Variants in CLDN16 observed in about 807,000 individuals in gnomAD.
The protein encoded by CLDN16 is claudin-16.
CLDN16 carries 13 observed loss-of-function variants against 24.6 expected under a neutral mutation model. The ratio of observed to expected loss-of-function variants is 0.53; its 90% CI spans 0.34 to 0.84. The LOEUF (loss-of-function observed/expected upper bound fraction) is 0.84. CLDN16 is among the 40% of genes least tolerant of loss of function. The pLI, the probability that CLDN16 is intolerant of heterozygous loss-of-function variation, is 0.01. For synonymous variants in CLDN16, 116 were observed against 106.7 expected (o/e 1.09, Z -0.54); for missense variants, 298 against 292.7 (o/e 1.02, Z -0.13).
At chr3:190,367,448 C>G (rs1216979021) in intron 1 of CLDN16, among the ~76,000 whole-genome samples, 1 of 151,918 alleles carries the variant, frequency 6.6e-6, no homozygotes, top group East Asian at 1.9e-4. Context: ...CTCAATACTA[C>G]TTCTCCAGGG....
chr3:190,362,360 C>T (rs969749772), intron 1 of CLDN16, among the ~76,000 whole-genome samples: 6 of 151,874 alleles, frequency 4.0e-5, no homozygotes, highest in Non-Finnish European at 7.4e-5. Flanking sequence ...TTCTGCGATC[C>T]CACCCAGGAA....
the CLDN16 span, among the ~76,000 whole-genome samples, chr3:190,292,327 G>A: frequency 2.0e-5 from 3 of 152,258 alleles, no homozygotes; most frequent in East Asian, 1.9e-4. Context: ...CTTCTGAAAC[G>A]ATGGCCCAAG....
chr3:190,301,182 C>T, the CLDN16 span, among the ~76,000 whole-genome samples: 17 of 152,150 alleles, frequency 1.1e-4, no homozygotes, highest in Non-Finnish European at 2.2e-4. Context: ...TACTTGGATG[C>T]GCAATAGGCA....
intron 1 of CLDN16, among the ~76,000 whole-genome samples, chr3:190,323,025 C>CACACACACACACACAA (rs559057976): frequency 3.6e-4 from 54 of 151,534 alleles, no homozygotes; most frequent in African/African-American, 1.2e-3. Flanking sequence ...CACACACACA[C>CACACACACACACACAA]ACAGACACAC....
chr3:190,403,859 T>C (rs2108672369), intron 2 of CLDN16, among the ~76,000 whole-genome samples: 2 of 152,310 alleles, frequency 1.3e-5, no homozygotes, highest in South Asian at 4.1e-4. Flanking sequence ...AATGGACATT[T>C]TGTCTATTCT....
chr3:190,399,692 T>G (rs561227665), intron 1 of CLDN16, among the ~76,000 whole-genome samples: 1 of 152,156 alleles, frequency 6.6e-6, no homozygotes, highest in African/African-American at 2.4e-5. Context: ...ATATCCTTTT[T>G]TCTAGCTATT....
the CLDN16 span, among the ~76,000 whole-genome samples, chr3:190,315,022 G>A: frequency 9.9e-5 from 15 of 152,240 alleles, no homozygotes; most frequent in Middle Eastern, 6.8e-3. Flanking sequence ...GCCATACTGT[G>A]GTATGAAGAG....
intron 3 of CLDN16, among the ~76,000 whole-genome samples, chr3:190,405,434 A>AC: frequency 6.6e-6 from 1 of 150,382 alleles, no homozygotes; most frequent in Admixed American, 6.6e-5. Context: ...CACGGAAAAA[A>AC]AAAAAAAAAA....
intron 3 of CLDN16, among the ~76,000 whole-genome samples, chr3:190,378,881 T>G (rs1384684774): frequency 6.6e-6 from 1 of 151,548 alleles, no homozygotes; most frequent in Non-Finnish European, 1.5e-5. Flanking sequence ...ATAGTCCTCA[T>G]TTTCGTCATC....
rs762051782 is a variant in CLDN16 at position 190,404,716 on chromosome 3, G to T, written c.218-46G>T. ...TGCTATGTCTCTGTGAGTTAATATG[G>T]TTCCTTCTTCTGACTCTGCTTTAAC... On this transcript the variant is annotated intron_variant, in intron 2 of 4. Coordinates refer to ENST00000264734, the MANE Select transcript of CLDN16 (RefSeq NM_006580.4). 2.4e-5 allele frequency: 39 copies of T among 1,602,506 alleles called. No individual in the cohort carries two copies. In the Admixed American group the frequency reaches 4.5e-4, roughly 18 times the overall value.
At chr3:190,362,845 T>C (rs1717928544) in intron 1 of CLDN16, among the ~76,000 whole-genome samples, 1 of 152,004 alleles carries the variant, frequency 6.6e-6, no homozygotes. Flanking sequence ...CTATACATTA[T>C]ATGTTTTCCT....
intron 1 of CLDN16, among the ~76,000 whole-genome samples, chr3:190,342,452 G>C (rs959768821): frequency 7.0e-4 from 107 of 152,132 alleles, no homozygotes; most frequent in African/African-American, 2.3e-3. Flanking sequence ...AAAGCAAAAA[G>C]ACAATCTGAT....
At chr3:190,363,534 T>C in intron 1 of CLDN16, among the ~76,000 whole-genome samples, 1 of 114,838 alleles carries the variant, frequency 8.7e-6, no homozygotes, top group African/African-American at 3.2e-5. Context: ...AAATTCCAGT[T>C]GCTGTGCGTG....
chr3:190,395,562 T>A (rs1718797465), intron 1 of CLDN16, among the ~76,000 whole-genome samples: 1 of 152,064 alleles, frequency 6.6e-6, no homozygotes, highest in Non-Finnish European at 1.5e-5. Flanking sequence ...AAACGTTATT[T>A]ACTACAATAT....
chr3:190,302,147 CT>C, the CLDN16 span, among the ~76,000 whole-genome samples: 88 of 152,258 alleles, frequency 5.8e-4, no homozygotes, highest in Middle Eastern at 3.4e-3. Context: ...GAATACTTTC[CT>C]ACCAGGTACC....
chr3:190,311,493 T>C, the CLDN16 span, among the ~76,000 whole-genome samples: 100,202 of 151,998 alleles, frequency 0.66, 34,016 homozygotes, highest in African/African-American at 0.82. Context: ...TGACATATTA[T>C]ACTGAAGCAA....
At chr3:190,387,046 GCTCCTTTCTTTCTCTCC>G (rs1210111319), upstream of CLDN16, among the ~76,000 whole-genome samples, 1 of 151,956 alleles carries the variant, frequency 6.6e-6, no homozygotes, top group Non-Finnish European at 1.5e-5. Context: ...CCTTTTCTCT[GCTCCTTTCTTTCTCTCC>G]CTCCCAATTT....
chr3:190,389,333 T>C (rs1718591107), intron 1 of CLDN16, among the ~76,000 whole-genome samples: 1 of 152,212 alleles, frequency 6.6e-6, no homozygotes, highest in African/African-American at 2.4e-5. Flanking sequence ...ACAATTTGCT[T>C]TTTAATGTGC....
the CLDN16 span, among the ~76,000 whole-genome samples, chr3:190,300,313 G>T: frequency 3.6e-3 from 554 of 151,878 alleles, 9 homozygotes; most frequent in African/African-American, 0.013. Context: ...CCCAATGCAG[G>T]ACTACTTTAT....
Sources: gnomAD v4.1 joint callset for allele counts (sites outside exome capture counted in the v4.1 genomes callset) on GRCh38, gnomAD v4.1.1 for gene constraint, MANE v1.5 for transcripts, NCBI Gene and HGNC (gene_info 2026-07-23, HGNC 2026-07-21) for gene names.